Variants in LRP2BP observed in about 807,000 individuals in gnomAD.
LRP2BP encodes the protein LRP2 binding protein, also known as LRP2-binding protein.
In LRP2BP, 38 loss-of-function variants were observed where a neutral mutation model predicts 45.2. The ratio of observed to expected loss-of-function variants is 0.84; its 90% CI spans 0.65 to 1.10. The LOEUF is 1.10. Among genes scored for constraint, LRP2BP ranks in the 50% least tolerant of loss-of-function variants. The pLI, the probability that LRP2BP is intolerant of heterozygous loss-of-function variation, is 0.00. For synonymous variants in LRP2BP, 153 were observed against 153.9 expected (o/e 0.99, Z 0.04); for missense variants, 385 against 418.9 (o/e 0.92, Z 0.71).
chr4:185,392,928 G>A (rs1244418203), intron 1 of LRP2BP, among the ~76,000 whole-genome samples: 1 of 152,152 alleles, frequency 6.6e-6, no homozygotes, highest in Non-Finnish European at 1.5e-5. Context: ...CAGCTACTGG[G>A]ATTTTTAGTT....
chr4:185,369,271 T>G (rs1461355650), intron 8 of LRP2BP, among the ~76,000 whole-genome samples: 1 of 132,830 alleles, frequency 7.5e-6, no homozygotes, highest in African/African-American at 3.0e-5. Flanking sequence ...CAGGCTGGAG[T>G]GCAGTGGTGT....
rs1479117634 is a variant in LRP2BP at position 185,366,555 on chromosome 4, A to G, written c.*625T>C. 3 of 152,228 alleles carry G rather than the reference A, an allele frequency of 2.0e-5. No individual in the cohort carries two copies. 9.4% of individuals were successfully genotyped at this position (152,228 alleles called of 1,614,324 possible). ...CCAATTATTTATGAGCTTTTTAAGA[A>G]TAAAGGATGTCTCAAAAGGCTTAGT... On this transcript the variant is annotated 3_prime_UTR_variant, in exon 9 of 9. Coordinates refer to ENST00000505916, the MANE Select transcript of LRP2BP (RefSeq NM_001377440.1).
intron 1 of LRP2BP, among the ~76,000 whole-genome samples, chr4:185,388,162 G>C (rs186740875): frequency 6.6e-6 from 1 of 152,138 alleles, no homozygotes; most frequent in African/African-American, 2.4e-5. Context: ...CAGAGATTCG[G>C]ACTCAGAAAT....
At chr4:185,387,929 C>CTA (rs898897735) in intron 1 of LRP2BP, among the ~76,000 whole-genome samples, 14 of 152,202 alleles carry the variant, frequency 9.2e-5, no homozygotes, top group Non-Finnish European at 1.8e-4. Flanking sequence ...TCCTCCCTCT[C>CTA]TAACTCCTTT....
At chr4:185,375,590 C>G in intron 4 of LRP2BP, 23 bp downstream of exon 4, 2 of 1,367,080 alleles carry the variant, frequency 1.5e-6, no homozygotes, top group Middle Eastern at 1.9e-4. Context: ...ATCTTAACCA[C>G]TGTGACCAAG....
chr4:185,386,865 C>T (rs1419669900), intron 1 of LRP2BP, among the ~76,000 whole-genome samples: 3 of 152,038 alleles, frequency 2.0e-5, no homozygotes, highest in South Asian at 2.1e-4. Flanking sequence ...AAGTGGATGC[C>T]GTGGAGACAT....
intron 1 of LRP2BP, among the ~76,000 whole-genome samples, chr4:185,389,744 T>A (rs2095483199): frequency 6.6e-6 from 1 of 152,194 alleles, no homozygotes; most frequent in South Asian, 2.1e-4. Context: ...TCATCTGCAG[T>A]CCTTACCTTC....
intron 1 of LRP2BP, among the ~76,000 whole-genome samples, chr4:185,385,181 CCCG>C (rs2095467358): frequency 6.6e-6 from 1 of 152,144 alleles, no homozygotes; most frequent in Non-Finnish European, 1.5e-5. Context: ...TCAAAATCTT[CCCG>C]CCGTTTGTGT....
Position 185,364,716 on chromosome 4 carries a change from A to G in LRP2BP, c.*2464T>C, listed in dbSNP as rs1157841170. 6.6e-6 allele frequency: 1 copy of G among 152,156 alleles called. No homozygotes were observed. Among genetic ancestry groups the G allele is most frequent in the Non-Finnish European group, 1.5e-5 (1 of 68,024 alleles). The allele number at this position is 152,156 out of a possible 1,614,324, so 9.4% of individuals were successfully genotyped here. Reference sequence around the variant, plus strand: ...TATTTGACACTTAAAAAAATACCCAAAGTTGGCTATTGATAAAAATTATCC... The same window carrying G: ...TATTTGACACTTAAAAAAATACCCAGAGTTGGCTATTGATAAAAATTATCC... On this transcript the variant is annotated 3_prime_UTR_variant, in exon 9 of 9. Coordinates refer to ENST00000505916, the MANE Select transcript of LRP2BP (RefSeq NM_001377440.1).
chr4:185,377,301 C>G (rs1244224931), intron 2 of LRP2BP: 1 of 325,750 alleles, frequency 3.1e-6, no homozygotes, highest in East Asian at 5.9e-5. Context: ...GGTGGATCAC[C>G]TGAGTTTGGG....
upstream of LRP2BP, chr4:185,397,165 C>T (rs764167541): frequency 8.1e-6 from 13 of 1,613,450 alleles, no homozygotes; most frequent in Non-Finnish European, 1.7e-6. Flanking sequence ...TGGTCTGAAG[C>T]ATTTGCTGGA....
rs190195911 is a variant in LRP2BP, at chr4:185,382,929, T to C, written c.-21-4722A>G. The stretch of plus-strand genomic sequence containing the variant: ...GTCACAAAAGTTTACCCCTGTGCCT[T>C]CTTCTAAGAGTTTTATATTTACTCT... On this transcript the variant is annotated intron_variant, in intron 1 of 8. Coordinates refer to ENST00000505916, the MANE Select transcript of LRP2BP (RefSeq NM_001377440.1). Among the ~76,000 whole-genome samples, 63 of 152,338 alleles carry C rather than the reference T, an allele frequency of 4.1e-4. 1 individual carries two copies. The highest frequency in any genetic ancestry group is 3.2e-3 in the Admixed American group (49 of 15,300).
In LRP2BP at chr4:185,365,086, C is replaced by CA. The variant is rs2095381791; in HGVS notation, c.*2093dup. On this transcript the variant is annotated 3_prime_UTR_variant, in exon 9 of 9. Transcript: ENST00000505916. ...TCTCAATGCACTCGAGTTACAGACT[C>CA]ACCGCAGTCTCAGGTCAAGGGGTTT... The CA allele has an allele frequency of 1.3e-5, 2 of 152,064 alleles. No homozygotes were observed. Among genetic ancestry groups the CA allele is most frequent in the African/African-American group, 4.8e-5 (2 of 41,382 alleles). The allele number at this position is 152,064 out of a possible 1,614,324, so 9.4% of individuals were successfully genotyped here.
chr4:185,389,102 T>A (rs1381327636), intron 1 of LRP2BP, among the ~76,000 whole-genome samples: 2 of 151,968 alleles, frequency 1.3e-5, no homozygotes, highest in African/African-American at 4.8e-5. Context: ...ATGGTCTGGA[T>A]CTCCTGACCT....
At chr4:185,384,915 G>A (rs1050433453) in intron 1 of LRP2BP, among the ~76,000 whole-genome samples, 6 of 15,116 alleles carry the variant, frequency 4.0e-4, no homozygotes, top group Admixed American at 1.0e-3. Flanking sequence ...GTCCCCCGCC[G>A]CCCCTTTCAG....
chr4:185,377,070 C>G (rs2095440587), intron 2 of LRP2BP, 52 bp from the exon 3 acceptor site: 1 of 1,244,644 alleles, frequency 8.0e-7, no homozygotes, highest in African/African-American at 1.5e-5. Flanking sequence ...TGAATTTTCT[C>G]TCTTGAAGTA....
In LRP2BP at chr4:185,372,979, G is replaced by A. The variant is rs150958039; in HGVS notation, c.680C>T (p.Thr227Met). The A allele has an allele frequency of 1.1e-5, 18 of 1,613,808 alleles. No homozygotes were observed. Among genetic ancestry groups the A allele is most frequent in the African/African-American group, 1.1e-4 (8 of 74,892 alleles). The change falls in exon 7 of 9, where the codon ACG (threonine) becomes ATG (methionine). Residue 227 changes from threonine (T) to methionine (M), a missense_variant. Thr to Met is a moderately conservative substitution (Grantham distance 81, BLOSUM62 -1). Transcript: ENST00000505916. ...TCTTAAGCACTGCAGGGCAGCTTCC[G>A]TATCCTGCCGGATGCCTTGTCCATA... is the stretch of plus-strand genomic sequence containing the variant. ...YLYGQGIRQD[T>M]EAALQCLREA...
chr4:185,386,241 C>T (rs1163052351), intron 1 of LRP2BP, among the ~76,000 whole-genome samples: 1 of 152,142 alleles, frequency 6.6e-6, no homozygotes, highest in African/African-American at 2.4e-5. Context: ...CCAAAGGGAT[C>T]AGCTTAAAGG....
At chr4:185,370,256 CA>C (rs1336160655) in intron 8 of LRP2BP, 1 of 162,328 alleles carries the variant, frequency 6.2e-6, no homozygotes, top group Admixed American at 6.0e-5. Context: ...ATGTCACGCT[CA>C]AAAAAACTTT....
Sources: gnomAD v4.1 joint callset for allele counts (sites outside exome capture counted in the v4.1 genomes callset) on GRCh38, gnomAD v4.1.1 for gene constraint, MANE v1.5 for transcripts, NCBI Gene and HGNC (gene_info 2026-07-23, HGNC 2026-07-21) for gene names.